The following EGFL6 variants were observed in gnomAD, a reference collection of about 807,000 sequenced individuals.
The protein encoded by EGFL6 is epidermal growth factor-like protein 6.
A neutral mutation model predicts 43.1 loss-of-function variants in EGFL6; 42 were observed. The ratio of observed to expected loss-of-function variants is 0.98; its 90% CI spans 0.76 to 1.26. EGFL6 has a LOEUF of 1.26. Among genes scored for constraint, EGFL6 ranks in the 50% most tolerant of loss-of-function variants. EGFL6 has a pLI of 0.00. For synonymous variants in EGFL6, 164 were observed against 163.2 expected, an observed-to-expected ratio of 1.01 and a Z score of -0.04; for missense variants, 429 against 427.8, an observed-to-expected ratio of 1.00 and a Z score of -0.02.
chrX:13,624,317 G>A (rs777210300), intron 10 of EGFL6, among the ~76,000 whole-genome samples: 31 of 111,669 alleles, frequency 2.8e-4, no homozygotes, highest in Non-Finnish European at 3.9e-4. Flanking sequence ...TTTCATGGGG[G>A]AAATAAATCT....
intron 7 of EGFL6, among the ~76,000 whole-genome samples, chrX:13,609,891 G>A (rs1287290920): frequency 8.9e-6 from 1 of 111,888 alleles, no homozygotes; most frequent in Non-Finnish European, 1.9e-5. Context: ...CCTTAGCAGA[G>A]TTCCCGCATG....
rs773078469 is a variant in EGFL6, at chrX:13,617,874, C to A, written c.923C>A (p.Thr308Asn). 8 of 1,209,229 alleles carry A rather than the reference C, an allele frequency of 6.6e-6. No homozygotes were observed. Among genetic ancestry groups the A allele is most frequent in the Non-Finnish European group, 8.9e-6 (8 of 895,092 alleles). Residue 308 changes from threonine (T) to asparagine (N), a missense_variant, in exon 8 of 12, where the codon ACC becomes AAC. Transcript: ENST00000361306. ...ACCCCAGAACCCACCAGGACTCCTA[C>A]CCCTAAGGTGAACTTGCAGCCCTTC... ...NVTPEPTRTP[T>N]PKVNLQPFNY...
At chrX:13,600,564 G>C (rs2045628350) in intron 4 of EGFL6, among the ~76,000 whole-genome samples, 1 of 107,865 alleles carries the variant, frequency 9.3e-6, no homozygotes. Context: ...TGGGATTACA[G>C]GCGTGAGCCA....
intron 2 of EGFL6, among the ~76,000 whole-genome samples, chrX:13,593,925 G>A (rs1249805442): frequency 9.0e-6 from 1 of 111,331 alleles, no homozygotes; most frequent in Non-Finnish European, 1.9e-5. Flanking sequence ...GATGGATGGA[G>A]AAGTAGGCAC....
chrX:13,591,008 C>G (rs184457568), intron 2 of EGFL6, among the ~76,000 whole-genome samples: 22 of 111,452 alleles, frequency 2.0e-4, no homozygotes, highest in Non-Finnish European at 3.2e-4. Flanking sequence ...CCTCTGCAAC[C>G]TGGAGAGAGC....
intron 7 of EGFL6, 133 bp downstream of exon 7, chrX:13,608,579 G>A (rs940574545): frequency 6.9e-5 from 54 of 780,595 alleles, no homozygotes; most frequent in Non-Finnish European, 9.8e-5. Context: ...CACTCTGTGT[G>A]TGTGTGCAGT....
chrX:13,608,864 G>A (rs1406399352), intron 7 of EGFL6, among the ~76,000 whole-genome samples: 1 of 112,212 alleles, frequency 8.9e-6, no homozygotes, highest in Non-Finnish European at 1.9e-5. Context: ...GAATCCGGAC[G>A]TTTTCCAGAA....
At chrX:13,622,474 C>A (rs917672673) in intron 9 of EGFL6, among the ~76,000 whole-genome samples, 2 of 112,082 alleles carry the variant, frequency 1.8e-5, no homozygotes, top group East Asian at 2.8e-4. Flanking sequence ...ACCCTATTCC[C>A]TTTCCTTACC....
intron 3 of EGFL6, among the ~76,000 whole-genome samples, chrX:13,597,150 G>A (rs1004407995): frequency 8.0e-5 from 9 of 112,214 alleles, no homozygotes; most frequent in African/African-American, 1.9e-4. Context: ...TTGTGTCAAC[G>A]GAAGTTAAGA....
intron 1 of EGFL6, among the ~76,000 whole-genome samples, chrX:13,572,341 T>C (rs937354453): frequency 2.7e-5 from 3 of 112,642 alleles, no homozygotes; most frequent in Non-Finnish European, 5.6e-5. Context: ...AATCATTTGA[T>C]ATTGATTACA....
intron 2 of EGFL6, among the ~76,000 whole-genome samples, chrX:13,592,568 CA>C (rs2045570264): frequency 9.0e-6 from 1 of 111,666 alleles, no homozygotes; most frequent in South Asian, 3.8e-4. Context: ...GCACTGTAGC[CA>C]AATATATGCC....
At chrX:13,578,619 A>G (rs1446841104) in intron 1 of EGFL6, among the ~76,000 whole-genome samples, 1 of 111,126 alleles carries the variant, frequency 9.0e-6, no homozygotes, top group Non-Finnish European at 1.9e-5. Context: ...ATGAGTTCAT[A>G]TCCTTTGTAG....
chrX:13,570,876 G>A (rs1226450397), intron 1 of EGFL6, among the ~76,000 whole-genome samples: 1 of 112,066 alleles, frequency 8.9e-6, no homozygotes, highest in East Asian at 2.8e-4. Context: ...AGGGCACTAG[G>A]GCAGCCTTCC....
At chrX:13,627,974 T>C (rs995291760) in intron 11 of EGFL6, among the ~76,000 whole-genome samples, 3 of 111,527 alleles carry the variant, frequency 2.7e-5, no homozygotes, top group African/African-American at 9.8e-5. Context: ...AAGGTTTTTG[T>C]TGGGGGTCAG....
chrX:13,618,977 A>G (rs1281957999), intron 8 of EGFL6, among the ~76,000 whole-genome samples, 186 bp from the exon 9 acceptor site: 4 of 112,323 alleles, frequency 3.6e-5, no homozygotes, highest in Non-Finnish European at 7.5e-5. Flanking sequence ...TGTCTGGAAA[A>G]GATGTTTTAG....
At chrX:13,586,193 C>CT (rs1490824667) in intron 1 of EGFL6, among the ~76,000 whole-genome samples, 2 of 107,397 alleles carry the variant, frequency 1.9e-5, no homozygotes, top group Non-Finnish European at 3.9e-5. Flanking sequence ...AAACAAGATG[C>CT]TACTTCTCAA....
chrX:13,599,905 G>T (rs2045622041), intron 3 of EGFL6, 70 bp from the exon 4 acceptor site: 1 of 1,149,339 alleles, frequency 8.7e-7, no homozygotes, highest in Non-Finnish European at 1.2e-6. Flanking sequence ...CAAGACTGGG[G>T]TCTAATATTC....
chrX:13,596,033 C>G (rs1250915522), intron 3 of EGFL6, among the ~76,000 whole-genome samples: 1 of 111,496 alleles, frequency 9.0e-6, no homozygotes, highest in Non-Finnish European at 1.9e-5. Flanking sequence ...TATATCATAA[C>G]AGATAATTTA....
intron 1 of EGFL6, among the ~76,000 whole-genome samples, chrX:13,580,036 C>G (rs1236131909): frequency 2.7e-5 from 3 of 111,491 alleles, no homozygotes; most frequent in Non-Finnish European, 1.9e-5. Flanking sequence ...ATATCAGTCA[C>G]TAAGTACAAC....
Sources: allele counts gnomAD v4.1 joint callset (sites outside exome capture counted in the v4.1 genomes callset), GRCh38; gene constraint gnomAD v4.1.1; transcripts MANE v1.5; gene names NCBI Gene and HGNC (gene_info 2026-07-23, HGNC 2026-07-21).